Variants in ST7L observed in about 807,000 individuals in gnomAD.
ST7L encodes suppressor of tumorigenicity 7 protein-like.
Under a neutral mutation model 72.5 loss-of-function variants are expected in ST7L, and 57 were observed. The ratio of observed to expected loss-of-function variants is 0.79; its 90% confidence interval spans 0.64 to 0.98. ST7L has a LOEUF of 0.98. Ranked by LOEUF, ST7L falls within the 50% of genes least tolerant of loss-of-function variation. The pLI, the probability that ST7L is intolerant of heterozygous loss-of-function variation, is 0.00. For synonymous variants in ST7L, 221 were observed against 240.9 expected (o/e 0.92, Z 0.77); for missense variants, 576 against 672.2 (o/e 0.86, Z 1.58).
chr1:112,547,648 C>T (rs1399584059), intron 13 of ST7L, among the ~76,000 whole-genome samples: 1 of 148,460 alleles, frequency 6.7e-6, no homozygotes, highest in Non-Finnish European at 1.5e-5. Context: ...CTGCAACCTC[C>T]GCCTCCCAGG....
Position 112,598,092 on chromosome 1 carries a change from C to T in ST7L, c.507-6G>A. Reference sequence around the variant, plus strand: ...TACCAGTCACCCAAGTGTATCTTTACCAAAACACAACAAAATATTTAAATT... The same window carrying T: ...TACCAGTCACCCAAGTGTATCTTTATCAAAACACAACAAAATATTTAAATT... On this transcript the variant is annotated splice_polypyrimidine_tract_variant and splice_region_variant and intron_variant, in intron 4 of 14. Transcript: ENST00000358039. The T allele has an allele frequency of 6.3e-7, 1 of 1,596,368 alleles. No homozygotes were observed. The highest frequency in any genetic ancestry group is 1.1e-5 in the South Asian group (1 of 89,410).
intron 11 of ST7L, among the ~76,000 whole-genome samples, chr1:112,569,973 A>AC (rs1162998201): frequency 5.3e-5 from 8 of 151,336 alleles, no homozygotes; most frequent in Non-Finnish European, 8.8e-5. Context: ...AAAAAAAAAA[A>AC]ACAAAAAAAC....
Position 112,524,866 on chromosome 1 carries a change from G to A in ST7L, c.*1147C>T, listed in dbSNP as rs536955853. The A allele has an allele frequency of 2.0e-5, 3 of 152,186 alleles. No homozygotes were observed. Among genetic ancestry groups the A allele is most frequent in the African/African-American group, 7.2e-5 (3 of 41,508 alleles). The allele number at this position is 152,186 out of a possible 1,614,324, so 9.4% of individuals were successfully genotyped here. Reference sequence around the variant, plus strand: ...CAACAATTAAAAAAAAAAGCAATTAGATTTCGATCCAGTACTTCAAAAAGG... The same window carrying A: ...CAACAATTAAAAAAAAAAGCAATTAAATTTCGATCCAGTACTTCAAAAAGG... On this transcript the variant is annotated 3_prime_UTR_variant, in exon 15 of 15. Transcript: ENST00000358039.
At chr1:112,541,922 T>A (rs777503627) in intron 14 of ST7L, 29 bp downstream of exon 14, 1 of 1,607,414 alleles carries the variant, frequency 6.2e-7, no homozygotes, top group Non-Finnish European at 8.5e-7. Flanking sequence ...TTACAAATAA[T>A]CTACACAAGT....
upstream of ST7L, chr1:112,619,349 G>T: frequency 1.7e-6 from 1 of 594,570 alleles, no homozygotes; most frequent in South Asian, 2.1e-5. Flanking sequence ...GAACTGGACT[G>T]AGATGTGACC....
At chr1:112,526,282 C>A in intron 14 of ST7L, 171 bp from the exon 15 acceptor site, 1 of 713,136 alleles carries the variant, frequency 1.4e-6, no homozygotes, top group East Asian at 2.6e-5. Context: ...ACCATGTGAC[C>A]ACTATACAAC....
chr1:112,560,641 T>C (rs1659960814), intron 11 of ST7L, among the ~76,000 whole-genome samples: 1 of 152,090 alleles, frequency 6.6e-6, no homozygotes, highest in African/African-American at 2.4e-5. Flanking sequence ...CTACCATGCC[T>C]AGCATATTAC....
chr1:112,557,045 G>C (rs1053089572), intron 11 of ST7L, among the ~76,000 whole-genome samples: 3 of 146,974 alleles, frequency 2.0e-5, no homozygotes, highest in African/African-American at 7.5e-5. Flanking sequence ...AATACAGATA[G>C]AGGTATTAAT....
chr1:112,619,663 C>T, upstream of ST7L: 1 of 594,916 alleles, frequency 1.7e-6, no homozygotes, highest in Non-Finnish European at 3.0e-6. Context: ...ACCCTACTTC[C>T]TGGGGCGCGG....
chr1:112,544,172 C>G (rs904028262), intron 13 of ST7L, among the ~76,000 whole-genome samples: 4 of 152,132 alleles, frequency 2.6e-5, no homozygotes, highest in African/African-American at 9.7e-5. Context: ...AAGTTGACCG[C>G]TTAGGGCTGG....
chr1:112,618,534 G>C (rs948530317), intron 1 of ST7L, among the ~76,000 whole-genome samples: 4 of 152,168 alleles, frequency 2.6e-5, no homozygotes. Context: ...GCTGGGCAGC[G>C]GGAGACTCAA....
At chr1:112,538,777 C>T (rs540805055) in intron 14 of ST7L, among the ~76,000 whole-genome samples, 1 of 152,210 alleles carries the variant, frequency 6.6e-6, no homozygotes, top group Non-Finnish European at 1.5e-5. Context: ...CCCACTATTG[C>T]ACTTTGGTGA....
At chr1:112,597,933 T>C (rs1666724294) in intron 5 of ST7L, 38 bp downstream of exon 5, 6 of 1,454,428 alleles carry the variant, frequency 4.1e-6, no homozygotes, top group South Asian at 1.3e-5. Flanking sequence ...ATGATCTTCA[T>C]GATCACTGTT....
rs1326869702 is a variant in ST7L at position 112,582,357 on chromosome 1, C to T, written c.954+18G>A. 3 of 1,523,578 alleles carry T rather than the reference C, an allele frequency of 2.0e-6. No homozygotes were observed. The highest frequency in any genetic ancestry group is 2.7e-5 in the African/African-American group (2 of 72,950). The allele number at this position is 1,523,578 out of a possible 1,614,324, so 94.4% of individuals were successfully genotyped here. On this transcript the variant is annotated intron_variant, in intron 8 of 14. Coordinates refer to ENST00000358039, the MANE Select transcript of ST7L (RefSeq NM_017744.5). ...TCTGGAGGAATAAATGTAATAGTCC[C>T]ATCATCAATTTACTTACATCTCTCA... is the stretch of plus-strand genomic sequence containing the variant.
intron 6 of ST7L, among the ~76,000 whole-genome samples, chr1:112,587,252 C>T (rs1251062135): frequency 6.6e-6 from 1 of 152,082 alleles, no homozygotes; most frequent in Non-Finnish European, 1.5e-5. Flanking sequence ...TCAGTTCTTC[C>T]ACCATCATTG....
intron 3 of ST7L, among the ~76,000 whole-genome samples, chr1:112,601,248 T>G (rs2102042362): frequency 6.6e-6 from 1 of 152,260 alleles, no homozygotes; most frequent in East Asian, 1.9e-4. Flanking sequence ...CAGACATGTT[T>G]TGTTCTTTTT....
chr1:112,613,182 C>T (rs1187893705), intron 2 of ST7L, among the ~76,000 whole-genome samples: 2 of 151,506 alleles, frequency 1.3e-5, no homozygotes. Flanking sequence ...CTTCACCATA[C>T]AAAGTGCAGG....
chr1:112,570,436 T>C (rs937324598), intron 11 of ST7L, among the ~76,000 whole-genome samples: 3 of 152,012 alleles, frequency 2.0e-5, no homozygotes, highest in Non-Finnish European at 4.4e-5. Flanking sequence ...GTTGTAGTTA[T>C]GTGGAAAGTT....
chr1:112,548,639 T>C (rs551761535), intron 13 of ST7L, among the ~76,000 whole-genome samples: 2 of 152,336 alleles, frequency 1.3e-5, no homozygotes, highest in African/African-American at 4.8e-5. Context: ...TGGCTCAGTA[T>C]TGTAAAAACT....
Sources: gnomAD v4.1 joint callset for allele counts (sites outside exome capture counted in the v4.1 genomes callset) on GRCh38, gnomAD v4.1.1 for gene constraint, MANE v1.5 for transcripts, NCBI Gene and HGNC (gene_info 2026-07-23, HGNC 2026-07-21) for gene names.